PLXNA2: variants seen among roughly 807,000 people sequenced by gnomAD.
The protein encoded by PLXNA2 is plexin-A2.
Under a neutral mutation model 193.5 loss-of-function variants are expected in PLXNA2, and 91 were observed. That is an observed-to-expected ratio of 0.47 (90% CI 0.40 to 0.56). The LOEUF (loss-of-function observed/expected upper bound fraction) is 0.56. PLXNA2 is among the 20% of genes least tolerant of loss of function. The pLI is 0.00. For missense variants in PLXNA2, 1,995 were observed against 2,503.2 expected (o/e 0.80, Z 4.33); for synonymous variants, 997 against 1,027.3 (o/e 0.97, Z 0.56).
At chr1:208,159,802 G>A (rs1480141389) in intron 3 of PLXNA2, among the ~76,000 whole-genome samples, 1 of 152,184 alleles carries the variant, frequency 6.6e-6, no homozygotes. Context: ...AGAGGAAGGG[G>A]CAGGAACTGA....
intron 21 of PLXNA2, 135 bp from the exon 22 acceptor site, chr1:208,042,501 C>T: frequency 2.5e-6 from 2 of 813,778 alleles, no homozygotes; most frequent in Non-Finnish European, 3.9e-6. Flanking sequence ...ACCAACCCCA[C>T]CCCATTCCAC....
intron 3 of PLXNA2, among the ~76,000 whole-genome samples, chr1:208,161,983 G>A (rs1016949544): frequency 1.3e-5 from 2 of 152,240 alleles, no homozygotes; most frequent in African/African-American, 2.4e-5. Context: ...TGGGAGGAGA[G>A]GGGGAGCAGG....
intron 3 of PLXNA2, among the ~76,000 whole-genome samples, chr1:208,191,496 T>C (rs913650655): frequency 1.3e-5 from 2 of 152,166 alleles, no homozygotes. Context: ...CATACAACAA[T>C]AATATTACTG....
intron 12 of PLXNA2, among the ~76,000 whole-genome samples, chr1:208,071,570 G>A (rs1364086735): frequency 1.3e-5 from 2 of 152,216 alleles, no homozygotes; most frequent in Non-Finnish European, 2.9e-5. Flanking sequence ...GTAGGCTAGA[G>A]CCCAGCTGAC....
intron 13 of PLXNA2, among the ~76,000 whole-genome samples, chr1:208,060,447 G>A (rs1382589650): frequency 6.6e-6 from 1 of 152,140 alleles, no homozygotes; most frequent in African/African-American, 2.4e-5. Flanking sequence ...AATGAGGGAC[G>A]GTCAGGGCCG....
intron 13 of PLXNA2, 99 bp from the exon 14 acceptor site, chr1:208,054,637 G>C (rs1248036986): frequency 2.4e-6 from 2 of 817,928 alleles, no homozygotes; most frequent in East Asian, 2.5e-5. Context: ...TCACAGTCTT[G>C]CAATAATGCC....
intron 2 of PLXNA2, 73 bp from the exon 3 acceptor site, chr1:208,210,535 A>G: frequency 7.4e-7 from 1 of 1,355,682 alleles, no homozygotes; most frequent in South Asian, 1.4e-5. Flanking sequence ...ACCCATATCC[A>G]CAACTTCCAG....
chr1:208,098,821 C>A (rs758548706), intron 6 of PLXNA2, 25 bp downstream of exon 6: 1 of 1,611,478 alleles, frequency 6.2e-7, no homozygotes, highest in Non-Finnish European at 8.5e-7. Context: ...TTCCCTCTCC[C>A]CATGCCCCTG....
chr1:208,198,383 A>C (rs1670426318), intron 3 of PLXNA2, among the ~76,000 whole-genome samples: 4 of 152,196 alleles, frequency 2.6e-5, no homozygotes, highest in African/African-American at 9.6e-5. Context: ...GCTCCGAGGG[A>C]TGCATGGGTG....
chr1:208,051,264 G>C lies in PLXNA2; in HGVS notation c.3153C>G (p.Ser1051Arg), dbSNP rs767409647. The C allele has an allele frequency of 1.2e-6, 2 of 1,607,096 alleles. No individual in the cohort carries two copies. The highest frequency in any genetic ancestry group is 1.7e-6 in the Non-Finnish European group (2 of 1,175,424). ...PRVQRIEPEW[S>R]IASGHTPLTI... ...CCCACCTTCCACCTCACCTGGCAATGCTCCACTCTGGCTCGATGCGCTGGA... is the reference window on the plus strand; with the variant it reads ...CCCACCTTCCACCTCACCTGGCAATCCTCCACTCTGGCTCGATGCGCTGGA... Residue 1051 changes from serine (S) to arginine (R), a missense_variant, in exon 16 of 32, where the codon AGC becomes AGG. By Grantham distance (110) the Ser-to-Arg change is moderately radical. This residue lies in a region of PLXNA2 where 1,291 missense variants were observed against 1,673.6 expected (regional missense o/e 0.77). Transcript: ENST00000367033.
chr1:208,163,906 G>A (rs898195440), intron 3 of PLXNA2, among the ~76,000 whole-genome samples: 2 of 152,176 alleles, frequency 1.3e-5, no homozygotes, highest in Non-Finnish European at 2.9e-5. Flanking sequence ...CTCTGGGCCA[G>A]ATGCCCTTCT....
chr1:208,225,395 T>G (rs1247521272), intron 1 of PLXNA2, among the ~76,000 whole-genome samples: 1 of 152,094 alleles, frequency 6.6e-6, no homozygotes, highest in Non-Finnish European at 1.5e-5. Flanking sequence ...CTCCATCTCC[T>G]GGACTCAAAC....
intron 4 of PLXNA2, among the ~76,000 whole-genome samples, chr1:208,105,217 T>C (rs986317925): frequency 3.3e-5 from 5 of 152,160 alleles, no homozygotes; most frequent in African/African-American, 1.2e-4. Context: ...TTTAGTCCAA[T>C]GAAGAGTCTC....
chr1:208,183,362 T>TC (rs1406257410), intron 3 of PLXNA2, among the ~76,000 whole-genome samples: 1 of 152,188 alleles, frequency 6.6e-6, no homozygotes, highest in Non-Finnish European at 1.5e-5. Flanking sequence ...TCTCTTTTTT[T>TC]CTCTTTCTCC....
intron 15 of PLXNA2, 27 bp downstream of exon 15, chr1:208,052,300 T>C: frequency 1.2e-6 from 2 of 1,609,744 alleles, no homozygotes; most frequent in Non-Finnish European, 1.7e-6. Context: ...TGTGCAGTCT[T>C]CTGGTGGCCC....
chr1:208,088,405 T>A (rs944481289), intron 9 of PLXNA2, among the ~76,000 whole-genome samples: 1 of 152,258 alleles, frequency 6.6e-6, no homozygotes, highest in Non-Finnish European at 1.5e-5. Flanking sequence ...GCAGCCAGCA[T>A]CCTGGGAAGC....
intron 1 of PLXNA2, among the ~76,000 whole-genome samples, chr1:208,223,075 C>G (rs72741260): frequency 6.6e-6 from 1 of 152,284 alleles, no homozygotes; most frequent in Non-Finnish European, 1.5e-5. Flanking sequence ...GCTGTGAAAT[C>G]AGGGAAGTTA....
intron 9 of PLXNA2, among the ~76,000 whole-genome samples, chr1:208,084,938 A>G (rs1666463205): frequency 6.6e-6 from 1 of 152,172 alleles, no homozygotes; most frequent in South Asian, 2.1e-4. Flanking sequence ...CTTGTTCCCC[A>G]GCTCCAGATA....
intron 26 of PLXNA2, among the ~76,000 whole-genome samples, chr1:208,036,573 T>G (rs1270090401): frequency 1.3e-5 from 2 of 152,214 alleles, no homozygotes; most frequent in Admixed American, 6.5e-5. Context: ...GAGCAGTGCC[T>G]GGGATCCAGT....
Sources: gnomAD v4.1 joint callset for allele counts (sites outside exome capture counted in the v4.1 genomes callset) on GRCh38, gnomAD v4.1.1 for gene constraint, gnomAD v4.1.1 regional missense constraint, MANE v1.5 for transcripts, NCBI Gene and HGNC (gene_info 2026-07-23, HGNC 2026-07-21) for gene names.